The following ZNF565 variants were observed in gnomAD, a reference collection of about 807,000 sequenced individuals.
The protein encoded by ZNF565 is zinc finger protein 565.
Under a neutral mutation model 39.4 loss-of-function variants are expected in ZNF565, and 27 were observed. The observed-to-expected ratio is 0.69, with a 90% CI of 0.51 to 0.95. The LOEUF (loss-of-function observed/expected upper bound fraction) is 0.95, where lower values mean the gene tolerates loss of function less well. Ranked by LOEUF, ZNF565 falls within the 40% of genes least tolerant of loss-of-function variation. The probability of loss-of-function intolerance (pLI) is 0.00; values close to 1 mark genes in which losing one functional copy is unlikely to be tolerated. For synonymous variants in ZNF565, 185 were observed against 216.6 expected (o/e 0.85, Z 1.28); for missense variants, 524 against 621.1 (o/e 0.84, Z 1.66).
chr19:36,194,446 G>C, intron 3 of ZNF565, 118 bp from the exon 4 acceptor site: 1 of 692,260 alleles, frequency 1.4e-6, no homozygotes, highest in East Asian at 2.9e-5. Flanking sequence ...CCAAAGGATA[G>C]GAAGACCGAG....
chr19:36,207,542 C>CAAA (rs58690929), intron 1 of ZNF565, among the ~76,000 whole-genome samples: 2 of 145,430 alleles, frequency 1.4e-5, no homozygotes, highest in South Asian at 4.4e-4. Flanking sequence ...CCATCTCAAA[C>CAAA]AAAAAAAAAA....
intron 1 of ZNF565, among the ~76,000 whole-genome samples, chr19:36,211,512 G>A (rs1976358876): frequency 6.6e-6 from 1 of 150,542 alleles, no homozygotes; most frequent in Admixed American, 6.6e-5. Flanking sequence ...ACATAGAAGT[G>A]GCCGGGCGCG....
Position 36,209,522 on chromosome 19 carries a change from A to C in ZNF565, c.-66+5100T>G, listed in dbSNP as rs868719515. 5.3e-5 allele frequency among the ~76,000 whole-genome samples: 8 copies of C among 150,458 alleles called. No homozygotes were observed. The South Asian group carries it at 1.5e-3, about 27-fold the overall frequency. Reference sequence around the variant, plus strand: ...AACAAAAACAAAAACAAAAAACAAAAAACAAACCAACAAAAAACAATGGGC... The same window carrying C: ...AACAAAAACAAAAACAAAAAACAAACAACAAACCAACAAAAAACAATGGGC... On this transcript the variant is annotated intron_variant, in intron 1 of 4. Transcript: ENST00000304116.
intron 1 of ZNF565, among the ~76,000 whole-genome samples, chr19:36,211,441 A>ACC (rs1555739597): frequency 1.6e-5 from 2 of 123,104 alleles, no homozygotes; most frequent in African/African-American, 3.4e-5. Context: ...CCAAACTCCA[A>ACC]CTCTCTCTCA....
chr19:36,240,852 A>G (rs551154732), intron 1 of ZNF565, among the ~76,000 whole-genome samples: 2 of 150,254 alleles, frequency 1.3e-5, no homozygotes, highest in Admixed American at 1.3e-4. Flanking sequence ...CCTGGGAGAC[A>G]GAATGAGACT....
Position 36,182,340 on chromosome 19 carries a change from A to G in ZNF565, c.*126T>C. On this transcript the variant is annotated 3_prime_UTR_variant, in exon 5 of 5. Transcript: ENST00000304116. ...ATTTTCTTTGGGTGTGAGTTTTCTG[A>G]TGTTCTATGATGGAAGTGACAGGTG... is the stretch of plus-strand genomic sequence containing the variant. 1.4e-6 allele frequency: 1 copy of G among 717,584 alleles called. No homozygotes were observed. Among genetic ancestry groups the G allele is most frequent in the Non-Finnish European group, 2.0e-6 (1 of 489,944 alleles). 44.5% of individuals were successfully genotyped at this position (717,584 alleles called of 1,614,324 possible). A position where few individuals can be genotyped will look rare whatever the true frequency, so the allele number is the denominator to read the frequency against.
At chr19:36,214,667 G>C (rs1348018709), upstream of ZNF565, 1 of 152,746 alleles carries the variant, frequency 6.5e-6, no homozygotes, top group East Asian at 1.9e-4. Context: ...GAGCTAACTA[G>C]CTCGCCACGA....
intron 2 of ZNF565, 36 bp downstream of exon 2, chr19:36,201,941 C>T (rs1975980265): frequency 5.6e-6 from 9 of 1,611,636 alleles, no homozygotes; most frequent in Non-Finnish European, 7.6e-6. Flanking sequence ...GGCGGGAAGA[C>T]AGATCATTCT....
intron 1 of ZNF565, among the ~76,000 whole-genome samples, chr19:36,213,822 G>T (rs1250147329): frequency 1.3e-5 from 2 of 151,534 alleles, no homozygotes; most frequent in African/African-American, 4.9e-5. Flanking sequence ...TGAGACACAG[G>T]ACACAATCAC....
At chr19:36,239,699 GTGTC>G (rs1431343518) in intron 1 of ZNF565, among the ~76,000 whole-genome samples, 2 of 152,046 alleles carry the variant, frequency 1.3e-5, no homozygotes, top group Admixed American at 6.6e-5. Context: ...CAACACCTGC[GTGTC>G]TGTCTTAACC....
rs1384319033 is a variant in ZNF565 at position 36,245,660 on chromosome 19, G to A, written c.-130C>T. The stretch of plus-strand genomic sequence containing the variant: ...TTGGTGCTTTGGCAGAGTCTCTGGT[G>A]CCCGGGTGAATGGGTTCAGGGTCTC... On this transcript the variant is annotated 5_prime_UTR_variant, in exon 1 of 5. Coordinates refer to the ZNF565 transcript ENST00000355114. The surrounding 1 kb of genome is among the most constrained non-coding windows in gnomAD (Gnocchi z 4.4). 4.4e-6 allele frequency: 3 copies of A among 680,678 alleles called. No individual in the cohort carries two copies. In the South Asian group the frequency reaches 4.7e-5, roughly 11 times the overall value. The allele number at this position is 680,678 out of a possible 1,614,324, so 42.2% of individuals were successfully genotyped here.
At chr19:36,233,955 C>T (rs148911872) in intron 1 of ZNF565, among the ~76,000 whole-genome samples, 5 of 149,314 alleles carry the variant, frequency 3.3e-5, no homozygotes, top group Admixed American at 3.3e-4. Flanking sequence ...TCCCTTCCCG[C>T]GGGGCCATAT....
chr19:36,236,915 A>G lies in ZNF565; in HGVS notation c.55+8561T>C, dbSNP rs1301828379. Reference sequence around the variant, plus strand: ...TATTGGAGAGAAGCCTTTTAAATGTAGTGAATGTGGAACAGCCTTTGGCCA... The same window carrying G: ...TATTGGAGAGAAGCCTTTTAAATGTGGTGAATGTGGAACAGCCTTTGGCCA... On this transcript the variant is annotated intron_variant, in intron 1 of 4. Transcript: ENST00000355114. 2.5e-6 allele frequency: 4 copies of G among 1,614,072 alleles called. No homozygotes were observed. In the Admixed American group the frequency reaches 5.0e-5, roughly 20 times the overall value.
chr19:36,190,085 G>A (rs1270253049), intron 4 of ZNF565, among the ~76,000 whole-genome samples: 2 of 152,006 alleles, frequency 1.3e-5, no homozygotes, highest in Non-Finnish European at 2.9e-5. Flanking sequence ...CCACCTACTG[G>A]TCTCCCAAAG....
intron 4 of ZNF565, among the ~76,000 whole-genome samples, chr19:36,191,997 A>T (rs1271287711): frequency 1.3e-5 from 2 of 151,480 alleles, no homozygotes; most frequent in Non-Finnish European, 2.9e-5. Context: ...CAAACTGAAC[A>T]GCACCTATCT....
intron 1 of ZNF565, among the ~76,000 whole-genome samples, chr19:36,204,563 G>A (rs1568420716): frequency 6.6e-6 from 1 of 152,174 alleles, no homozygotes; most frequent in Non-Finnish European, 1.5e-5. Context: ...GATGGCTATT[G>A]AGCATATGAA....
upstream of ZNF565, among the ~76,000 whole-genome samples, chr19:36,215,655 G>A (rs144243270): frequency 3.6e-4 from 54 of 152,100 alleles, no homozygotes; most frequent in African/African-American, 1.2e-3. Flanking sequence ...GCAAATCACC[G>A]TGACTTTTTT....
intron 1 of ZNF565, among the ~76,000 whole-genome samples, chr19:36,202,280 T>C (rs996003545): frequency 6.6e-6 from 1 of 152,060 alleles, no homozygotes; most frequent in African/African-American, 2.4e-5. Flanking sequence ...GGCACAAGAA[T>C]TGCTTAAACC....
upstream of ZNF565, among the ~76,000 whole-genome samples, chr19:36,217,013 C>T (rs1976636916): frequency 1.4e-5 from 2 of 147,232 alleles, no homozygotes; most frequent in South Asian, 2.2e-4. Context: ...GAGCAGAGAT[C>T]CTGGCGACAG....
Sources: gnomAD v4.1 joint callset for allele counts (sites outside exome capture counted in the v4.1 genomes callset) on GRCh38, gnomAD v4.1.1 for gene constraint, Gnocchi (gnomAD v3.1) non-coding constraint, MANE v1.5 for transcripts, NCBI Gene and HGNC (gene_info 2026-07-23, HGNC 2026-07-21) for gene names.